RNF216: variants seen among roughly 807,000 people sequenced by gnomAD.
RNF216 encodes ring finger protein 216.
Under a neutral mutation model 110.8 loss-of-function variants are expected in RNF216, and 72 were observed. The ratio of observed to expected loss-of-function variants is 0.65; its 90% CI spans 0.54 to 0.79. The LOEUF (loss-of-function observed/expected upper bound fraction) is 0.79, where lower values mean the gene tolerates loss of function less well. RNF216 is among the 30% of genes least tolerant of loss of function. RNF216 has a pLI of 0.00. For synonymous variants in RNF216, 495 were observed against 407.5 expected (o/e 1.21, Z -2.59); for missense variants, 1,342 against 1,141.2 (o/e 1.18, Z -2.54).
chr7:5,724,384 A>C (rs1793625261), intron 8 of RNF216, among the ~76,000 whole-genome samples: 1 of 152,236 alleles, frequency 6.6e-6, no homozygotes, highest in East Asian at 1.9e-4. Context: ...GAAGTCAACT[A>C]TCTTGCAAAA....
intron 1 of RNF216, 107 bp downstream of exon 1, chr7:5,781,434 C>G (rs1290275043): frequency 1.3e-5 from 2 of 151,418 alleles, no homozygotes; most frequent in South Asian, 2.1e-4. Context: ...TCACGGCCCG[C>G]GCCCCCGCCC....
At chr7:5,701,679 T>C (rs1461255110) in intron 13 of RNF216, among the ~76,000 whole-genome samples, 4 of 152,152 alleles carry the variant, frequency 2.6e-5, no homozygotes, top group Non-Finnish European at 5.9e-5. Context: ...GGGTTTAATA[T>C]CAAAATCCCT....
intron 15 of RNF216, among the ~76,000 whole-genome samples, chr7:5,632,881 G>C (rs954660079): frequency 2.0e-5 from 3 of 152,196 alleles, no homozygotes; most frequent in Non-Finnish European, 4.4e-5. Context: ...CACACGAATG[G>C]CACCACAGTG....
At chr7:5,646,258 A>G (rs1584369370) in intron 14 of RNF216, among the ~76,000 whole-genome samples, 1 of 152,102 alleles carries the variant, frequency 6.6e-6, no homozygotes, top group East Asian at 1.9e-4. Context: ...AGTCCCAGCA[A>G]CTCGTGAGGC....
chr7:5,767,057 C>G (rs1796245359), intron 1 of RNF216: 2 of 152,218 alleles, frequency 1.3e-5, no homozygotes, highest in Non-Finnish European at 1.5e-5. Flanking sequence ...ATAATCCTGG[C>G]ATGTTTATTA....
intron 13 of RNF216, among the ~76,000 whole-genome samples, chr7:5,673,217 G>T (rs1484187550): frequency 6.6e-6 from 1 of 152,202 alleles, no homozygotes; most frequent in Admixed American, 6.5e-5. Flanking sequence ...TGGTTATTGA[G>T]ATTCTTCTAT....
At position 5,636,502 on chromosome 7, in the gene RNF216, C is replaced by T. The variant is rs939726620; in HGVS notation, c.2382+4652G>A. 2.6e-5 allele frequency among the ~76,000 whole-genome samples: 4 copies of T among 152,204 alleles called. 1 individual carries two copies. Among genetic ancestry groups the T allele is most frequent in the East Asian group, 3.8e-4 (2 of 5,206 alleles). Reference sequence around the variant, plus strand: ...CAAAACCATGATGGGACAACTCCCTCGCTGACAAATAAGAGATTCTTCCTG... The same window carrying T: ...CAAAACCATGATGGGACAACTCCCTTGCTGACAAATAAGAGATTCTTCCTG... On this transcript the variant is annotated intron_variant, in intron 15 of 16. Transcript: ENST00000389902.
chr7:5,691,611 C>T (rs74302786), intron 13 of RNF216, among the ~76,000 whole-genome samples: 1 of 152,134 alleles, frequency 6.6e-6, no homozygotes, highest in East Asian at 1.9e-4. Context: ...CCAGCTTCTC[C>T]TTAGGGGCAA....
At chr7:5,726,528 TTCTC>T (rs1021963336) in intron 7 of RNF216, among the ~76,000 whole-genome samples, 3 of 152,176 alleles carry the variant, frequency 2.0e-5, no homozygotes, top group Admixed American at 6.5e-5. Flanking sequence ...TACCTTCAGC[TTCTC>T]TCTGTTAGAT....
intron 4 of RNF216, chr7:5,739,733 G>A (rs1197056966): frequency 3.8e-5 from 16 of 426,124 alleles, no homozygotes; most frequent in Admixed American, 3.3e-4. Context: ...GGGTGCAGTG[G>A]CTCATGCCTA....
chr7:5,685,164 T>A (rs141103869), intron 13 of RNF216, among the ~76,000 whole-genome samples: 1 of 152,150 alleles, frequency 6.6e-6, no homozygotes, highest in African/African-American at 2.4e-5. Context: ...CCTCCAGTGA[T>A]TGGGCTGCCC....
intron 1 of RNF216, among the ~76,000 whole-genome samples, chr7:5,768,071 T>C (rs561177146): frequency 1.3e-5 from 2 of 152,072 alleles, no homozygotes; most frequent in East Asian, 1.9e-4. Context: ...GGTACTCTAA[T>C]TTGCACACCT....
At chr7:5,684,287 T>C (rs903934023) in intron 13 of RNF216, among the ~76,000 whole-genome samples, 2 of 151,910 alleles carry the variant, frequency 1.3e-5, no homozygotes, top group East Asian at 3.9e-4. Flanking sequence ...TTTTGTATTT[T>C]TAGTAGAGAC....
intron 13 of RNF216, among the ~76,000 whole-genome samples, chr7:5,666,910 G>A (rs1411864160): frequency 6.6e-6 from 1 of 151,682 alleles, no homozygotes; most frequent in Non-Finnish European, 1.5e-5. Flanking sequence ...TCAAGCCTGG[G>A]CTCAAGTGAT....
intron 1 of RNF216, among the ~76,000 whole-genome samples, chr7:5,772,603 C>G (rs982710826): frequency 6.6e-6 from 1 of 152,054 alleles, no homozygotes; most frequent in Admixed American, 6.6e-5. Context: ...AGCCCCAGAT[C>G]GGGGCTTCTC....
intron 1 of RNF216, among the ~76,000 whole-genome samples, chr7:5,767,534 C>A (rs549276831): frequency 6.6e-6 from 1 of 152,238 alleles, no homozygotes; most frequent in Admixed American, 6.5e-5. Flanking sequence ...CTAGACTCCC[C>A]AAAATCCAAC....
chr7:5,723,655 A>AT (rs1554258576), intron 8 of RNF216, among the ~76,000 whole-genome samples: 6 of 151,994 alleles, frequency 3.9e-5, no homozygotes, highest in African/African-American at 9.7e-5. Context: ...TCAAAAAAAA[A>AT]AAATAAATAA....
chr7:5,725,435 A>G lies in RNF216; in HGVS notation c.1393T>C (p.Leu465=). Residue 465 remains leucine (L), a synonymous_variant, in exon 8 of 17, where the codon TTG becomes CTG. Coordinates refer to ENST00000389902, the MANE Select transcript of RNF216 (RefSeq NM_207111.4). ...TGCCATTTTTTAATGGCATCAGACA[A>G]GGCCTAAAAATTGAGAAAAGGAAAG... ...KGHYAITRKA[L]SDAIKKWQEL... 6.3e-7 allele frequency: 1 copy of G among 1,580,782 alleles called. No homozygotes were observed. Among genetic ancestry groups the G allele is most frequent in the Non-Finnish European group, 8.7e-7 (1 of 1,151,962 alleles).
intron 13 of RNF216, among the ~76,000 whole-genome samples, chr7:5,695,552 G>A (rs1791574433): frequency 6.6e-6 from 1 of 152,250 alleles, no homozygotes; most frequent in African/African-American, 2.4e-5. Context: ...TCTCTGCAGA[G>A]CAGAAGACAC....
Sources: allele counts gnomAD v4.1 joint callset (sites outside exome capture counted in the v4.1 genomes callset), GRCh38; gene constraint gnomAD v4.1.1; transcripts MANE v1.5; gene names NCBI Gene and HGNC (gene_info 2026-07-23, HGNC 2026-07-21).